ACTN2: variants seen among roughly 807,000 people sequenced by gnomAD.
ACTN2 encodes alpha-actinin-2.
ACTN2 carries 39 observed loss-of-function variants against 113.8 expected under a neutral mutation model. That is an observed-to-expected ratio of 0.34 (90% CI 0.27 to 0.45). The LOEUF is 0.45. Among genes scored for constraint, ACTN2 ranks in the 20% least tolerant of loss-of-function variants. ACTN2 has a pLI of 1.00. For synonymous variants in ACTN2, 429 were observed against 444.1 expected (o/e 0.97, Z 0.43); for missense variants, 992 against 1,177.9 (o/e 0.84, Z 2.31).
At chr1:236,690,815 G>A (rs915490535) in intron 1 of ACTN2, among the ~76,000 whole-genome samples, 14 of 151,934 alleles carry the variant, frequency 9.2e-5, no homozygotes, top group Admixed American at 2.0e-4. Context: ...GTGGTGGTAC[G>A]TCTATTCACA....
intron 3 of ACTN2, among the ~76,000 whole-genome samples, 182 bp downstream of exon 3, chr1:236,719,195 A>G (rs1658310259): frequency 6.6e-6 from 1 of 152,164 alleles, no homozygotes; most frequent in East Asian, 1.9e-4. Flanking sequence ...TGAGTGGGAG[A>G]CCAAGCTCTA....
chr1:236,694,214 T>A (rs867264563), intron 1 of ACTN2, among the ~76,000 whole-genome samples: 1 of 151,118 alleles, frequency 6.6e-6, no homozygotes, highest in Non-Finnish European at 1.5e-5. Flanking sequence ...TTTTTTTTTT[T>A]CTTTTCTTTT....
intron 1 of ACTN2, among the ~76,000 whole-genome samples, chr1:236,699,052 T>G (rs747191262): frequency 2.6e-5 from 4 of 152,216 alleles, no homozygotes; most frequent in Non-Finnish European, 4.4e-5. Flanking sequence ...GAGATACTAA[T>G]TATTTTATTG....
chr1:236,712,404 T>C (rs1277534198), intron 1 of ACTN2, among the ~76,000 whole-genome samples: 2 of 152,232 alleles, frequency 1.3e-5, no homozygotes, highest in Non-Finnish European at 2.9e-5. Flanking sequence ...ACCACCTTTG[T>C]TGACTCTTAT....
intron 8 of ACTN2, 53 bp downstream of exon 8, chr1:236,735,773 TTGTG>T (rs1185467056): frequency 1.4e-6 from 2 of 1,468,278 alleles, no homozygotes; most frequent in African/African-American, 2.8e-5. Context: ...TTGGTTTTAG[TTGTG>T]TGTGCATACT....
Position 236,744,500 on chromosome 1 carries a change from G to A in ACTN2, c.1256-126G>A, listed in dbSNP as rs536373988. The A allele has an allele frequency of 2.5e-6, 3 of 1,182,462 alleles. No homozygotes were observed. The South Asian group carries it at 4.0e-5, about 16-fold the overall frequency. 73.2% of individuals were successfully genotyped at this position (1,182,462 alleles called of 1,614,324 possible). A position where few individuals can be genotyped will look rare whatever the true frequency, so the allele number is the denominator to read the frequency against. On this transcript the variant is annotated intron_variant, in intron 11 of 20. Transcript: ENST00000366578. Reference sequence around the variant, plus strand: ...ATCACAACCCTGGCCTGCATCTTCAGTCCTGCCCCTCTCTGTCCCCTTCTC... The same window carrying A: ...ATCACAACCCTGGCCTGCATCTTCAATCCTGCCCCTCTCTGTCCCCTTCTC...
rs528125392 is a variant in ACTN2 at position 236,695,121 on chromosome 1, C to T, written c.126+8322C>T. Among the ~76,000 whole-genome samples, 125 of 151,088 alleles carry T rather than the reference C, an allele frequency of 8.3e-4. 1 individual carries two copies. Among genetic ancestry groups the T allele is most frequent in the African/African-American group, 3.0e-3 (123 of 41,118 alleles). On this transcript the variant is annotated intron_variant, in intron 1 of 20. Transcript: ENST00000366578. ...GTGTCTCATGCCTGTAATCCCAGCC[C>T]TTTGGGAGGCTGAGGCAGGTGAATC...
intron 13 of ACTN2, among the ~76,000 whole-genome samples, chr1:236,748,787 G>T (rs577522992): frequency 1.3e-5 from 2 of 152,306 alleles, no homozygotes; most frequent in Middle Eastern, 3.4e-3. Context: ...AGGGAATCAG[G>T]TCCTCTTATA....
intron 1 of ACTN2, among the ~76,000 whole-genome samples, chr1:236,708,674 A>G (rs1657906655): frequency 6.6e-6 from 1 of 152,202 alleles, no homozygotes; most frequent in African/African-American, 2.4e-5. Flanking sequence ...CTTCCAGCGC[A>G]GTTCGTGTGA....
chr1:236,717,715 A>G (rs1658263261), intron 1 of ACTN2, 143 bp from the exon 2 acceptor site: 1 of 687,870 alleles, frequency 1.5e-6, no homozygotes, highest in African/African-American at 1.8e-5. Context: ...TCTTCTTTCC[A>G]TCAAATTCTG....
Position 236,721,581 on chromosome 1 carries a change from A to C in ACTN2, c.448+1390A>C, listed in dbSNP as rs149638293. 1.1e-3 allele frequency among the ~76,000 whole-genome samples: 172 copies of C among 152,326 alleles called. 1 individual carries two copies. Among genetic ancestry groups the C allele is most frequent in the African/African-American group, 3.8e-3 (157 of 41,576 alleles). ...GTCTGACTTTGAAAACTTTTGTACA[A>C]TATAGTTCTATTACAGTACCTTCCT... On this transcript the variant is annotated intron_variant, in intron 4 of 20. Coordinates refer to ENST00000366578, the MANE Select transcript of ACTN2 (RefSeq NM_001103.4).
intron 6 of ACTN2, among the ~76,000 whole-genome samples, chr1:236,728,528 G>A (rs981436148): frequency 3.3e-5 from 5 of 152,088 alleles, no homozygotes; most frequent in Admixed American, 2.0e-4. Context: ...TGATTAACTC[G>A]TCCGTCACAC....
chr1:236,700,720 C>T (rs1284249662), intron 1 of ACTN2, among the ~76,000 whole-genome samples: 1 of 152,130 alleles, frequency 6.6e-6, no homozygotes, highest in Non-Finnish European at 1.5e-5. Context: ...CTCCACCACC[C>T]CCGGAATACA....
At chr1:236,696,402 A>G (rs1315154000) in intron 1 of ACTN2, among the ~76,000 whole-genome samples, 1 of 152,092 alleles carries the variant, frequency 6.6e-6, no homozygotes, top group African/African-American at 2.4e-5. Context: ...AGGTAGTTAT[A>G]ATTGAGATTG....
intron 1 of ACTN2, among the ~76,000 whole-genome samples, chr1:236,692,351 A>T (rs1666113822): frequency 6.6e-6 from 1 of 152,206 alleles, no homozygotes; most frequent in African/African-American, 2.4e-5. Flanking sequence ...CAACCAAACT[A>T]ATGAGGAGAG....
intron 11 of ACTN2, among the ~76,000 whole-genome samples, chr1:236,743,584 T>TA (rs1280840729): frequency 1.3e-5 from 2 of 149,958 alleles, no homozygotes; most frequent in Non-Finnish European, 2.9e-5. Context: ...TTTTTTTTTT[T>TA]AGCTGTCTCC....
At chr1:236,693,679 C>T (rs1657370906) in intron 1 of ACTN2, among the ~76,000 whole-genome samples, 1 of 152,194 alleles carries the variant, frequency 6.6e-6, no homozygotes, top group African/African-American at 2.4e-5. Flanking sequence ...GCTCCAAGGC[C>T]TTCAGGCTTT....
intron 13 of ACTN2, chr1:236,748,127 G>T (rs74146243): frequency 6.2e-6 from 2 of 320,916 alleles, no homozygotes; most frequent in African/African-American, 4.3e-5. Flanking sequence ...GATGTGCAAA[G>T]GGAAGATGGA....
chr1:236,745,303 G>A (rs1390244831), intron 12 of ACTN2, among the ~76,000 whole-genome samples: 7 of 152,074 alleles, frequency 4.6e-5, no homozygotes, highest in Non-Finnish European at 1.0e-4. Context: ...GCCTGGTGGC[G>A]GGTGCCTGTA....
Sources: allele counts gnomAD v4.1 joint callset (sites outside exome capture counted in the v4.1 genomes callset), GRCh38; gene constraint gnomAD v4.1.1; transcripts MANE v1.5; gene names NCBI Gene and HGNC (gene_info 2026-07-23, HGNC 2026-07-21).